CDK11B: variants seen among roughly 807,000 people sequenced by gnomAD.
CDK11B encodes the protein cyclin dependent kinase 11B.
In CDK11B, 37 loss-of-function variants were observed where a neutral mutation model predicts 84.0. That is an observed-to-expected ratio of 0.44 (90% CI 0.34 to 0.58). The LOEUF (loss-of-function observed/expected upper bound fraction) is 0.58, where lower values mean the gene tolerates loss of function less well. CDK11B is among the 20% of genes least tolerant of loss of function. The pLI is 0.02. For missense variants in CDK11B, 427 were observed against 834.0 expected, an observed-to-expected ratio of 0.51 and a Z score of 6.01; for synonymous variants, 269 against 309.8, an observed-to-expected ratio of 0.87 and a Z score of 1.38.
intron 11 of CDK11B, among the ~76,000 whole-genome samples, chr1:1,639,220 T>C (rs913648722): frequency 1.5e-4 from 23 of 151,698 alleles, no homozygotes; most frequent in African/African-American, 3.1e-4. Flanking sequence ...GGATTACAGG[T>C]GTGAGCCACT....
chr1:1,657,733 T>C (rs1181342729), intron 1 of CDK11B, among the ~76,000 whole-genome samples: 1 of 118,774 alleles, frequency 8.4e-6, no homozygotes, highest in African/African-American at 3.5e-5. Context: ...ACCTCGTCTC[T>C]ACAAAAAATA....
At chr1:1,656,131 T>C (rs1642714815) in intron 2 of CDK11B, among the ~76,000 whole-genome samples, 1 of 152,200 alleles carries the variant, frequency 6.6e-6, no homozygotes, top group African/African-American at 2.4e-5. Flanking sequence ...ATTTTGGGTT[T>C]GGCTCCAAAA....
rs776685455 is a variant in CDK11B, at chr1:1,637,421, C to T, written c.1557G>A (p.Gln519=). The T allele has an allele frequency of 1.2e-6, 2 of 1,613,690 alleles. No homozygotes were observed. The highest frequency in any genetic ancestry group is 1.7e-5 in the Admixed American group (1 of 59,976). The change falls in exon 14 of 20, where the codon CAG becomes CAA. Residue 519 remains glutamine (Q), a synonymous_variant. Coordinates refer to ENST00000341832, the MANE Select transcript of CDK11B (RefSeq NM_033486.3). The part of the protein sequence containing the change: ...DLKSLMETMK[Q]PFLPGEVKTL... ...GCGCGGCTGTACCTGGCAGGAAGGG[C>T]TGTTTCATGGTCTCCATCAGGCTCT... is the stretch of plus-strand genomic sequence containing the variant.
At position 1,636,731 on chromosome 1, in the gene CDK11B, G is replaced by A; in HGVS notation, c.1868C>T (p.Pro623Leu). ...GATTTCTGACTTCCCGGGGAACAGA[G>A]GCTTCTGAGTCAGCAGCTCCCCGAA... ...CIFGELLTQK[P>L]LFPGKSEIDQ... The change falls in exon 17 of 20, where the codon CCT (proline) becomes CTT (leucine). Residue 623 changes from proline (P) to leucine (L), a missense_variant. Physicochemically the swap from Pro to Leu is moderately conservative, Grantham distance 98. Coordinates refer to ENST00000341832, the MANE Select transcript of CDK11B (RefSeq NM_033486.3). The A allele has an allele frequency of 1.2e-6, 2 of 1,613,986 alleles. No homozygotes were observed. The highest frequency in any genetic ancestry group is 8.5e-7 in the Non-Finnish European group (1 of 1,179,868).
rs1332282385 is a variant in CDK11B at position 1,652,442 on chromosome 1, C to T, written c.352G>A (p.Gly118Arg). Residue 118 changes from glycine to arginine, a missense_variant, in exon 4 of 20, where the codon GGG becomes AGG. Physicochemically the swap from Gly to Arg is moderately radical, Grantham distance 125 (BLOSUM62 -2). Transcript: ENST00000341832. Reference sequence around the variant, plus strand: ...AAGAAAGTAAATGCTTCTGTACCCCCTTCTGCTGAATGGCTACGATGCCTA... The same window carrying T: ...AAGAAAGTAAATGCTTCTGTACCCCTTTCTGCTGAATGGCTACGATGCCTA... ...KRRHRSHSAE[G>R]GKHARVKEKE... is the part of the protein sequence containing the mutation. The T allele has an allele frequency of 1.3e-6, 2 of 1,499,224 alleles. No individual in the cohort carries two copies. Among genetic ancestry groups the T allele is most frequent in the East Asian group, 2.6e-5 (1 of 37,746 alleles). The allele number at this position is 1,499,224 out of a possible 1,614,324, so 92.9% of individuals were successfully genotyped here. A position where few individuals can be genotyped will look rare whatever the true frequency, so the allele number is the denominator to read the frequency against.
intron 2 of CDK11B, among the ~76,000 whole-genome samples, chr1:1,656,243 T>G (rs932848532): frequency 6.6e-6 from 1 of 152,150 alleles, no homozygotes; most frequent in Non-Finnish European, 1.5e-5. Context: ...TCCCAGCACT[T>G]TGGGAGGCTG....
At chr1:1,654,825 A>G (rs760833713) in intron 3 of CDK11B, among the ~76,000 whole-genome samples, 47 of 149,470 alleles carry the variant, frequency 3.1e-4, no homozygotes, top group Non-Finnish European at 5.5e-4. Flanking sequence ...CGCCCGGCTA[A>G]TTTTCTGTAT....
At chr1:1,640,968 C>A (rs1570073374) in intron 10 of CDK11B, 80 bp downstream of exon 10, 2 of 1,598,264 alleles carry the variant, frequency 1.3e-6, no homozygotes, top group East Asian at 4.5e-5. Flanking sequence ...CCACGCTGCG[C>A]AGGACCGGCT....
At chr1:1,645,813 C>G in intron 5 of CDK11B, 4 of 344,492 alleles carry the variant, frequency 1.2e-5, no homozygotes, top group South Asian at 9.5e-5. Flanking sequence ...TGGCCTGTTT[C>G]TGGCTGTGAA....
intron 11 of CDK11B, among the ~76,000 whole-genome samples, chr1:1,638,873 G>A (rs2100709063): frequency 6.6e-6 from 1 of 151,924 alleles, no homozygotes; most frequent in South Asian, 2.1e-4. Context: ...GGGCAAGGCA[G>A]GAGGACTGCT....
At position 1,655,359 on chromosome 1, in the gene CDK11B, A is replaced by C; in HGVS notation, c.227+10T>G. 6.2e-7 allele frequency: 1 copy of C among 1,613,018 alleles called. No individual in the cohort carries two copies. The highest frequency in any genetic ancestry group is 1.1e-5 in the South Asian group (1 of 90,878). ...ACAGCTGGGTCTTGCACATCTGTAC[A>C]TCCGCTCACCTGTCTTCCATAGAGT... On this transcript the variant is annotated intron_variant, in intron 3 of 19. Coordinates refer to ENST00000341832, the MANE Select transcript of CDK11B (RefSeq NM_033486.3).
At chr1:1,655,569 C>T (rs1187388999) in intron 2 of CDK11B, 85 bp from the exon 3 acceptor site, 1 of 1,459,104 alleles carries the variant, frequency 6.9e-7, no homozygotes, top group Non-Finnish European at 9.1e-7. Context: ...ATAATCAAAC[C>T]TGGGCAACAT....
intron 1 of CDK11B, 145 bp downstream of exon 1, chr1:1,658,769 T>C (rs1287514931): frequency 6.6e-6 from 1 of 151,986 alleles, no homozygotes; most frequent in African/African-American, 2.4e-5. Context: ...CAAAGTTCCG[T>C]GCGGGATGAG....
chr1:1,638,246 C>T (rs1391779623), intron 12 of CDK11B, among the ~76,000 whole-genome samples: 1 of 151,388 alleles, frequency 6.6e-6, no homozygotes, highest in Non-Finnish European at 1.5e-5. Flanking sequence ...ACGCTGGGAA[C>T]GCAAACCTGC....
intron 10 of CDK11B, 146 bp downstream of exon 10, chr1:1,640,902 C>G (rs1224856447): frequency 1.0e-5 from 9 of 902,502 alleles, no homozygotes; most frequent in Admixed American, 2.9e-5. Context: ...GCGGGCCCCA[C>G]CGGCACAGCC....
rs145224189 is a variant in CDK11B, at chr1:1,655,499, G to A, written c.112-15C>T. On this transcript the variant is annotated splice_polypyrimidine_tract_variant and intron_variant, in intron 2 of 19. Transcript: ENST00000341832. ...CGGTCATCAGACTAAGAAGCAAAGA[G>A]AAAGTTAATCATTTTCTTTATAAGT... The A allele has an allele frequency of 0.016, 25,434 of 1,588,042 alleles. 263 individuals are homozygous for A. Among genetic ancestry groups the A allele is most frequent in the Non-Finnish European group, 0.019 (22,233 of 1,165,478 alleles).
intron 18 of CDK11B, 87 bp downstream of exon 18, chr1:1,636,246 A>G: frequency 7.5e-7 from 1 of 1,335,284 alleles, no homozygotes; most frequent in Non-Finnish European, 1.0e-6. Flanking sequence ...GCAGTTCTGG[A>G]ACGTGGTGAG....
At chr1:1,657,945 C>T (rs1642988689) in intron 1 of CDK11B, among the ~76,000 whole-genome samples, 1 of 142,176 alleles carries the variant, frequency 7.0e-6, no homozygotes, top group African/African-American at 2.7e-5. Context: ...TAGGCTGAGG[C>T]GGGTGGATCA....
chr1:1,644,969 G>T (rs1288275958), intron 6 of CDK11B, among the ~76,000 whole-genome samples, 157 bp downstream of exon 6: 3 of 140,264 alleles, frequency 2.1e-5, no homozygotes, highest in African/African-American at 9.8e-5. Flanking sequence ...CTCCAGCCTG[G>T]GGGACAAGAG....
Sources: gnomAD v4.1 joint callset for allele counts (sites outside exome capture counted in the v4.1 genomes callset) on GRCh38, gnomAD v4.1.1 for gene constraint, MANE v1.5 for transcripts, NCBI Gene and HGNC (gene_info 2026-07-23, HGNC 2026-07-21) for gene names.